The following ERGIC2 variants were observed in gnomAD, a reference collection of about 807,000 sequenced individuals.
ERGIC2 encodes endoplasmic reticulum-Golgi intermediate compartment protein 2.
ERGIC2 carries 31 observed loss-of-function variants against 52.5 expected under a neutral mutation model. That is an observed-to-expected ratio of 0.59 (90% CI 0.44 to 0.80). The LOEUF is 0.80. ERGIC2 is among the 30% of genes least tolerant of loss of function. The probability of loss-of-function intolerance (pLI) is 0.00; values close to 1 mark genes in which losing one functional copy is unlikely to be tolerated. For missense variants in ERGIC2, 395 were observed against 455.2 expected (o/e 0.87, Z 1.20); for synonymous variants, 129 against 140.6 (o/e 0.92, Z 0.58).
chr12:29,377,819 AGAATTCAT>A (rs1940534920), intron 1 of ERGIC2, among the ~76,000 whole-genome samples: 1 of 152,250 alleles, frequency 6.6e-6, no homozygotes. Flanking sequence ...ATTAAAATAC[AGAATTCAT>A]GAACTTTTTA....
chr12:29,357,565 T>C, intron 7 of ERGIC2, 58 bp downstream of exon 7: 1 of 916,404 alleles, frequency 1.1e-6, no homozygotes, highest in Non-Finnish European at 1.8e-6. Context: ...ACTTTAGTTT[T>C]AACTATGTCA....
intron 10 of ERGIC2, among the ~76,000 whole-genome samples, chr12:29,347,643 A>G (rs1305546874): frequency 2.6e-5 from 4 of 152,212 alleles, no homozygotes; most frequent in Non-Finnish European, 5.9e-5. Context: ...TGCATTAAAG[A>G]TGTTAATTGT....
intron 12 of ERGIC2, among the ~76,000 whole-genome samples, chr12:29,342,771 T>G (rs1324040588): frequency 6.6e-6 from 1 of 152,186 alleles, no homozygotes; most frequent in East Asian, 1.9e-4. Flanking sequence ...AAATTAGGTA[T>G]TATTATTGCT....
intron 10 of ERGIC2, among the ~76,000 whole-genome samples, chr12:29,346,407 C>G (rs1305920902): frequency 6.6e-6 from 1 of 152,128 alleles, no homozygotes; most frequent in African/African-American, 2.4e-5. Context: ...CCAGGCTGGT[C>G]TCAAACTCCT....
intron 7 of ERGIC2, among the ~76,000 whole-genome samples, 164 bp downstream of exon 7, chr12:29,357,459 C>T (rs1005326583): frequency 6.6e-6 from 1 of 152,112 alleles, no homozygotes; most frequent in African/African-American, 2.4e-5. Context: ...ATCAAAATCA[C>T]AGGCTATAAA....
chr12:29,343,324 G>T (rs376789000), intron 11 of ERGIC2, 42 bp from the exon 12 acceptor site: 18 of 1,501,858 alleles, frequency 1.2e-5, no homozygotes, highest in Non-Finnish European at 1.6e-5. Context: ...AGGAGGAAGA[G>T]AGAAACAGAA....
intron 5 of ERGIC2, among the ~76,000 whole-genome samples, chr12:29,364,412 G>C (rs1940329903): frequency 6.6e-6 from 1 of 152,016 alleles, no homozygotes; most frequent in African/African-American, 2.4e-5. Context: ...ATATGCAGAA[G>C]AATGAAACTG....
chr12:29,366,602 A>G (rs1352626524), intron 5 of ERGIC2, among the ~76,000 whole-genome samples: 1 of 151,910 alleles, frequency 6.6e-6, no homozygotes, highest in East Asian at 1.9e-4. Flanking sequence ...AACTACTGGA[A>G]AGTAATAACA....
At chr12:29,371,784 C>T in intron 1 of ERGIC2, 114 bp from the exon 2 acceptor site, 1 of 563,438 alleles carries the variant, frequency 1.8e-6, no homozygotes, top group Non-Finnish European at 3.1e-6. Flanking sequence ...TCTCATCCCC[C>T]CTTAAAAATA....
intron 1 of ERGIC2, among the ~76,000 whole-genome samples, chr12:29,373,178 T>C (rs1474257426): frequency 6.6e-6 from 1 of 152,164 alleles, no homozygotes; most frequent in South Asian, 2.1e-4. Flanking sequence ...TTTCCCATGT[T>C]ATCTATTTTT....
At chr12:29,346,876 C>G (rs1293391700) in intron 10 of ERGIC2, among the ~76,000 whole-genome samples, 1 of 152,114 alleles carries the variant, frequency 6.6e-6, no homozygotes, top group Non-Finnish European at 1.5e-5. Context: ...TTAGATACAC[C>G]TATCCATAGA....
rs1949824642 is a variant in ERGIC2 at position 29,339,856 on chromosome 12, A to C, written c.*1300T>G. On this transcript the variant is annotated 3_prime_UTR_variant, in exon 14 of 14. Coordinates refer to ENST00000360150, the MANE Select transcript of ERGIC2 (RefSeq NM_016570.3). The stretch of plus-strand genomic sequence containing the variant: ...TTTTCAGTCTTGTTATTTACCTGGA[A>C]TTTTGTTTCCCCATTTCCTTAAATG... The C allele has an allele frequency of 6.6e-6, 1 of 152,220 alleles. No individual in the cohort carries two copies. Among genetic ancestry groups the C allele is most frequent in the South Asian group, 2.1e-4 (1 of 4,826 alleles). The allele number at this position is 152,220 out of a possible 1,614,324, so 9.4% of individuals were successfully genotyped here. A position where few individuals can be genotyped will look rare whatever the true frequency, so the allele number is the denominator to read the frequency against.
intron 10 of ERGIC2, 147 bp from the exon 11 acceptor site, chr12:29,345,687 G>T: frequency 1.6e-6 from 1 of 626,848 alleles, no homozygotes; most frequent in South Asian, 1.8e-5. Context: ...GCTGACGAAG[G>T]AGGACTGCTT....
intron 8 of ERGIC2, among the ~76,000 whole-genome samples, chr12:29,353,990 G>A (rs1300897171): frequency 1.3e-5 from 2 of 152,040 alleles, no homozygotes; most frequent in Non-Finnish European, 2.9e-5. Flanking sequence ...CTGAAAATTG[G>A]TGGGGGGTGA....
At chr12:29,370,028 G>A (rs1940419040) in intron 3 of ERGIC2, 86 bp downstream of exon 3, 1 of 1,242,870 alleles carries the variant, frequency 8.0e-7, no homozygotes. Flanking sequence ...AAATCTAGAA[G>A]GTTAGACTTT....
chr12:29,353,482 T>C (rs1940160797), intron 8 of ERGIC2, among the ~76,000 whole-genome samples: 1 of 152,170 alleles, frequency 6.6e-6, no homozygotes, highest in Admixed American at 6.5e-5. Flanking sequence ...TTAGAATATG[T>C]ACATTTTATT....
chr12:29,362,975 C>A (rs1358888817), intron 5 of ERGIC2, among the ~76,000 whole-genome samples: 1 of 152,172 alleles, frequency 6.6e-6, no homozygotes, highest in African/African-American at 2.4e-5. Flanking sequence ...ATTCCAAAAC[C>A]TTCTTTGTAC....
chr12:29,366,957 A>G lies in ERGIC2; in HGVS notation c.263-10T>C. The G allele has an allele frequency of 6.3e-7, 1 of 1,576,886 alleles. No individual in the cohort carries two copies. Among genetic ancestry groups the G allele is most frequent in the East Asian group, 2.3e-5 (1 of 43,902 alleles). On this transcript the variant is annotated splice_polypyrimidine_tract_variant and intron_variant, in intron 4 of 13. Coordinates refer to ENST00000360150, the MANE Select transcript of ERGIC2 (RefSeq NM_016570.3). ...ACATCCGCTCCAACATCTGCATAGA[A>G]AAAAGAATTAGAAGTTTTACATTCT...
intron 11 of ERGIC2, among the ~76,000 whole-genome samples, chr12:29,344,331 A>G (rs1012573059): frequency 6.6e-6 from 1 of 152,194 alleles, no homozygotes; most frequent in African/African-American, 2.4e-5. Flanking sequence ...AGATACTGCT[A>G]AACTACCTTC....
Sources: gnomAD v4.1 joint callset for allele counts (sites outside exome capture counted in the v4.1 genomes callset) on GRCh38, gnomAD v4.1.1 for gene constraint, MANE v1.5 for transcripts, NCBI Gene and HGNC (gene_info 2026-07-23, HGNC 2026-07-21) for gene names.